Variants in UBE2E1 observed in about 807,000 individuals in gnomAD.
UBE2E1 encodes the protein ubiquitin-conjugating enzyme E2 E1.
UBE2E1 carries 6 observed loss-of-function variants against 21.4 expected under a neutral mutation model. The observed-to-expected ratio is 0.28, with a 90% confidence interval of 0.15 to 0.55. The LOEUF is 0.55. UBE2E1 is among the 20% of genes least tolerant of loss of function. UBE2E1 has a pLI of 0.93. For synonymous variants in UBE2E1, 87 were observed against 82.7 expected (o/e 1.05, Z -0.28); for missense variants, 142 against 236.5 (o/e 0.60, Z 2.62).
Position 23,808,351 on chromosome 3 carries a change from T to C in UBE2E1, c.152+930T>C, listed in dbSNP as rs1699320444. Among the ~76,000 whole-genome samples the C allele has an allele frequency of 6.6e-6, 1 of 152,224 alleles. No individual in the cohort carries two copies. Among genetic ancestry groups the C allele is most frequent in the Non-Finnish European group, 1.5e-5 (1 of 68,036 alleles). On this transcript the variant is annotated intron_variant, in intron 2 of 5. Transcript: ENST00000306627. The surrounding 1 kb of genome is among the most constrained non-coding windows in gnomAD (Gnocchi z 4.9). ...ATCTTTAGTGGATTCCTAGGAGCTC[T>C]GAGACACCCTTTCATAAATCCTTCT...
At chr3:23,873,311 C>A (rs368951796) in intron 3 of UBE2E1, among the ~76,000 whole-genome samples, 5 of 152,106 alleles carry the variant, frequency 3.3e-5, no homozygotes, top group African/African-American at 1.2e-4. Context: ...TAAATGCTAC[C>A]TTCAGCTGAA....
chr3:23,869,147 G>A (rs1168473514), intron 3 of UBE2E1, among the ~76,000 whole-genome samples: 1 of 152,080 alleles, frequency 6.6e-6, no homozygotes, highest in East Asian at 1.9e-4. Context: ...ATTCTGATAG[G>A]TAAAAGTACC....
chr3:23,854,721 C>T (rs936797093), intron 3 of UBE2E1, among the ~76,000 whole-genome samples: 5 of 152,178 alleles, frequency 3.3e-5, no homozygotes, highest in Admixed American at 3.3e-4. Context: ...TGTGTGTGCT[C>T]TTGGAAGTAG....
At chr3:23,858,098 G>C (rs1700478284) in intron 3 of UBE2E1, among the ~76,000 whole-genome samples, 1 of 152,138 alleles carries the variant, frequency 6.6e-6, no homozygotes, top group Non-Finnish European at 1.5e-5. Context: ...TACTGAGCTA[G>C]TTAAACCTCA....
At chr3:23,814,987 T>C (rs1559474759) in intron 3 of UBE2E1, among the ~76,000 whole-genome samples, 1 of 152,196 alleles carries the variant, frequency 6.6e-6, no homozygotes, top group African/African-American at 2.4e-5. Flanking sequence ...AATACATTTC[T>C]TTCTTTCTCA....
At chr3:23,882,884 T>C (rs1701084969) in intron 3 of UBE2E1, among the ~76,000 whole-genome samples, 1 of 152,206 alleles carries the variant, frequency 6.6e-6, no homozygotes, top group African/African-American at 2.4e-5. Flanking sequence ...CCATGAGCAC[T>C]GCGCGCAGCC....
chr3:23,834,783 C>T (rs1302593796), intron 3 of UBE2E1, among the ~76,000 whole-genome samples: 1 of 152,072 alleles, frequency 6.6e-6, no homozygotes, highest in Admixed American at 6.5e-5. Flanking sequence ...ACTAGGAAAG[C>T]TCTTTGAGAT....
At chr3:23,828,771 A>G (rs1699806825) in intron 3 of UBE2E1, among the ~76,000 whole-genome samples, 1 of 152,250 alleles carries the variant, frequency 6.6e-6, no homozygotes, top group East Asian at 1.9e-4. Context: ...CCTAAGATGT[A>G]AATTTGTTTA....
intron 3 of UBE2E1, among the ~76,000 whole-genome samples, chr3:23,883,924 GTT>G (rs200945707): frequency 0.015 from 1,896 of 129,160 alleles, 54 homozygotes; most frequent in African/African-American, 0.055. Flanking sequence ...AAAAAAAAAA[GTT>G]TGATATTCAG....
At chr3:23,873,582 C>T (rs1700849852) in intron 3 of UBE2E1, among the ~76,000 whole-genome samples, 1 of 152,146 alleles carries the variant, frequency 6.6e-6, no homozygotes, top group African/African-American at 2.4e-5. Context: ...CCCGTCTCTA[C>T]TAAAAATACA....
intron 5 of UBE2E1, 134 bp downstream of exon 5, chr3:23,889,393 G>A: frequency 6.6e-7 from 1 of 1,510,802 alleles, no homozygotes; most frequent in Non-Finnish European, 8.8e-7. Context: ...CTTTTCAAAA[G>A]AAAGTTTTAA....
intron 3 of UBE2E1, among the ~76,000 whole-genome samples, chr3:23,833,027 C>CT (rs1427034242): frequency 6.6e-6 from 1 of 152,100 alleles, no homozygotes; most frequent in African/African-American, 2.4e-5. Flanking sequence ...AAGTGAGACC[C>CT]TGTCTCAAAA....
Position 23,863,392 on chromosome 3 carries a change from CCT to C in UBE2E1, c.204-24171_204-24170del, listed in dbSNP as rs1384596588. Among the ~76,000 whole-genome samples, 1 of 152,048 alleles carries C rather than the reference CCT, an allele frequency of 6.6e-6. No homozygotes were observed. The highest frequency in any genetic ancestry group is 1.5e-5 in the Non-Finnish European group (1 of 68,022). ...CCCAAGTTATTCTCTCACCTTTTCC[CCT>C]CTCCCTTTCTCCCTCTGTGCCCTTC... On this transcript the variant is annotated intron_variant, in intron 3 of 5. Transcript: ENST00000306627. The surrounding 1 kb of genome is among the most constrained non-coding windows in gnomAD (Gnocchi z 4.3).
At chr3:23,867,333 A>G (rs774163494) in intron 3 of UBE2E1, among the ~76,000 whole-genome samples, 7 of 152,186 alleles carry the variant, frequency 4.6e-5, no homozygotes, top group Non-Finnish European at 7.3e-5. Flanking sequence ...GATACTTTAG[A>G]TGTACAAATA....
chr3:23,869,782 A>T (rs1700744429), intron 3 of UBE2E1, among the ~76,000 whole-genome samples: 1 of 151,080 alleles, frequency 6.6e-6, no homozygotes, highest in South Asian at 2.1e-4. Context: ...CCCCACAGGG[A>T]AAATTGCCTG....
chr3:23,811,987 C>T (rs1699403641), intron 3 of UBE2E1, among the ~76,000 whole-genome samples: 1 of 152,150 alleles, frequency 6.6e-6, no homozygotes, highest in South Asian at 2.1e-4. Flanking sequence ...CAGAGCAATT[C>T]AGGAAACAAT....
intron 3 of UBE2E1, among the ~76,000 whole-genome samples, chr3:23,830,254 T>G (rs1559479291): frequency 1.3e-5 from 2 of 152,136 alleles, no homozygotes. Flanking sequence ...GACAAGAGCA[T>G]GGAGTGGATA....
Position 23,810,748 on chromosome 3 carries a change from T to G in UBE2E1, c.153-712T>G. The G allele has an allele frequency of 2.0e-5, 6 of 295,602 alleles. No individual in the cohort carries two copies. Among genetic ancestry groups the G allele is most frequent in the South Asian group, 1.3e-4 (1 of 7,618 alleles). 18.3% of individuals were successfully genotyped at this position (295,602 alleles called of 1,614,324 possible). On this transcript the variant is annotated intron_variant, in intron 2 of 5. Transcript: ENST00000306627. The surrounding 1 kb of genome is among the most constrained non-coding windows in gnomAD (Gnocchi z 5.8). The stretch of plus-strand genomic sequence containing the variant: ...GAGCAGCCCCCGTGCGGGCACCCTG[T>G]TCCCCTCCCCCGCCCGCAACTTCAC...
At chr3:23,858,783 T>A (rs1398621651) in intron 3 of UBE2E1, among the ~76,000 whole-genome samples, 1 of 152,150 alleles carries the variant, frequency 6.6e-6, no homozygotes, top group East Asian at 1.9e-4. Context: ...ATACTTGTCC[T>A]CCCTCCTCCC....
Sources: gnomAD v4.1 joint callset for allele counts (sites outside exome capture counted in the v4.1 genomes callset) on GRCh38, gnomAD v4.1.1 for gene constraint, Gnocchi (gnomAD v3.1) non-coding constraint, MANE v1.5 for transcripts, NCBI Gene and HGNC (gene_info 2026-07-23, HGNC 2026-07-21) for gene names.